CHTF8: variants seen among roughly 807,000 people sequenced by gnomAD.
CHTF8 encodes chromosome transmission fidelity protein 8 homolog.
CHTF8 carries 6 observed loss-of-function variants against 11.0 expected under a neutral mutation model. The ratio of observed to expected loss-of-function variants is 0.55; its 90% confidence interval spans 0.30 to 1.08. The LOEUF (loss-of-function observed/expected upper bound fraction) is 1.08. Among genes scored for constraint, CHTF8 ranks in the 50% least tolerant of loss-of-function variants. The pLI is 0.07. For synonymous variants in CHTF8, 53 were observed against 60.5 expected (o/e 0.88, Z 0.57); for missense variants, 140 against 153.1 (o/e 0.91, Z 0.45).
intron 1 of CHTF8, among the ~76,000 whole-genome samples, chr16:69,123,946 A>C (rs1441093642): frequency 6.6e-6 from 1 of 150,724 alleles, no homozygotes; most frequent in Non-Finnish European, 1.5e-5. Flanking sequence ...AAAAAAAAAA[A>C]ACAAAAAATT....
chr16:69,132,278 G>C (rs1451380272), intron 1 of CHTF8: 2 of 35,764 alleles, frequency 5.6e-5, no homozygotes, highest in African/African-American at 1.1e-4. Flanking sequence ...CCCCACCTCC[G>C]CGCCGCCCTC....
At chr16:69,130,201 C>A (rs1223342466) in intron 1 of CHTF8, among the ~76,000 whole-genome samples, 1 of 152,148 alleles carries the variant, frequency 6.6e-6, no homozygotes, top group Non-Finnish European at 1.5e-5. Flanking sequence ...TGATATGTAT[C>A]CAATTAAACC....
chr16:69,123,655 A>G (rs1961843953), intron 1 of CHTF8, among the ~76,000 whole-genome samples: 1 of 152,148 alleles, frequency 6.6e-6, no homozygotes, highest in Non-Finnish European at 1.5e-5. Flanking sequence ...CAAAAAATCA[A>G]TCAATCAATC....
chr16:69,131,215 C>A (rs1174717539), intron 1 of CHTF8: 1 of 152,130 alleles, frequency 6.6e-6, no homozygotes. Context: ...GAAGTGTGTT[C>A]AAAAACGTGT....
chr16:69,124,569 GC>G (rs1961923920), intron 1 of CHTF8, among the ~76,000 whole-genome samples: 1 of 150,992 alleles, frequency 6.6e-6, no homozygotes, highest in African/African-American at 2.4e-5. Flanking sequence ...GATTACAGGC[GC>G]CCGCCACCAC....
chr16:69,121,944 C>T (rs1352804711), intron 1 of CHTF8, among the ~76,000 whole-genome samples: 1 of 152,196 alleles, frequency 6.6e-6, no homozygotes, highest in African/African-American at 2.4e-5. Context: ...GCTGGGATTA[C>T]AGGTGTGAGC....
In CHTF8 at chr16:69,120,696, A is replaced by G. The variant is rs117142013; in HGVS notation, c.142-47T>C. The G allele has an allele frequency of 0.024, 36,972 of 1,535,460 alleles. 465 individuals are homozygous for G. Among genetic ancestry groups the G allele is most frequent in the Non-Finnish European group, 0.027 (29,976 of 1,118,870 alleles). Reference sequence around the variant, plus strand: ...ATTCCTGAGGTTCCGGGGCAAGGCCATAACACTCAGGCGCCTCCTAAAGCT... The same window carrying G: ...ATTCCTGAGGTTCCGGGGCAAGGCCGTAACACTCAGGCGCCTCCTAAAGCT... On this transcript the variant is annotated intron_variant, in intron 3 of 3. Coordinates refer to ENST00000448552, the MANE Select transcript of CHTF8 (RefSeq NM_001039690.5). This position sits in a 1 kb window ranked among gnomAD's most constrained non-coding sequence, Gnocchi z 4.0.
In CHTF8 at chr16:69,120,205, G is replaced by A. The variant is rs758617404; in HGVS notation, c.*220C>T. 1.0e-5 allele frequency: 7 copies of A among 702,838 alleles called. No homozygotes were observed. Among genetic ancestry groups the A allele is most frequent in the Non-Finnish European group, 1.8e-5 (7 of 385,786 alleles). The allele number at this position is 702,838 out of a possible 1,614,324, so 43.5% of individuals were successfully genotyped here. A position where few individuals can be genotyped will look rare whatever the true frequency, so the allele number is the denominator to read the frequency against. On this transcript the variant is annotated 3_prime_UTR_variant, in exon 4 of 4. Coordinates refer to ENST00000448552, the MANE Select transcript of CHTF8 (RefSeq NM_001039690.5). The surrounding 1 kb of genome is among the most constrained non-coding windows in gnomAD (Gnocchi z 4.0). ...TGGATTTGAAGCCAATGAGCCTGAT[G>A]AAGCTGGAAAAGGAGATGGGTTCCT...
rs201600961 is a variant in CHTF8 at position 69,121,167 on chromosome 16, C to T, written c.27G>A (p.Ala9=). The stretch of plus-strand genomic sequence containing the variant: ...CCCATTCTGCCAGGCCTCCAGCCCT[C>T]GCACTGCAAGCAAAGGGCTGGCGGT... MVQIVISS[A]RAGGLAEWVL... The change falls in exon 3 of 4, where the codon GCG becomes GCA. Residue 9 remains alanine, a synonymous_variant. Transcript: ENST00000448552. 3.4e-5 allele frequency: 54 copies of T among 1,611,836 alleles called. No individual in the cohort carries two copies. Among genetic ancestry groups the T allele is most frequent in the African/African-American group, 5.3e-5 (4 of 74,860 alleles).
At chr16:69,126,015 G>A (rs1409916335) in intron 1 of CHTF8, among the ~76,000 whole-genome samples, 3 of 152,144 alleles carry the variant, frequency 2.0e-5, no homozygotes, top group Non-Finnish European at 4.4e-5. Flanking sequence ...ACAATTTAAG[G>A]AATGGTACAT....
intron 1 of CHTF8, among the ~76,000 whole-genome samples, chr16:69,122,830 C>A (rs775682290): frequency 2.0e-5 from 3 of 152,094 alleles, no homozygotes; most frequent in Non-Finnish European, 2.9e-5. Context: ...GCGTGAACCA[C>A]CGCACCTGGC....
chr16:69,123,649 A>AAATCAATC (rs201428860), intron 1 of CHTF8, among the ~76,000 whole-genome samples: 2 of 152,134 alleles, frequency 1.3e-5, no homozygotes, highest in Non-Finnish European at 2.9e-5. Flanking sequence ...CTGTCTCAAA[A>AAATCAATC]AATCAATCAA....
intron 1 of CHTF8, among the ~76,000 whole-genome samples, chr16:69,125,659 C>A (rs557765729): frequency 1.1e-4 from 17 of 152,304 alleles, no homozygotes; most frequent in Admixed American, 2.6e-4. Context: ...AGGGGTAATA[C>A]CCAAGCTCAG....
In CHTF8 at chr16:69,121,104, G is replaced by A. The variant is rs763623091; in HGVS notation, c.90C>T (p.Tyr30=). Residue 30 remains tyrosine, a synonymous_variant, in exon 3 of 4, where the codon TAC becomes TAT. Coordinates refer to ENST00000448552, the MANE Select transcript of CHTF8 (RefSeq NM_001039690.5). ...MELQGEIEAR[Y]STGLAGNLLG... ...GGAGGTTTCCAGCTAATCCAGTGCT[G>A]TAGCGAGCCTCGATCTCCCCCTGTA... is the stretch of plus-strand genomic sequence containing the variant. The A allele has an allele frequency of 2.5e-5, 40 of 1,613,880 alleles. No homozygotes were observed. Among genetic ancestry groups the A allele is most frequent in the Non-Finnish European group, 3.3e-5 (39 of 1,180,042 alleles).
intron 3 of CHTF8, 32 bp downstream of exon 3, chr16:69,121,021 G>A (rs1210386105): frequency 5.7e-6 from 9 of 1,573,918 alleles, no homozygotes; most frequent in Non-Finnish European, 7.9e-6. Context: ...GCTTTCCTGA[G>A]GCATTAGGCA....
In CHTF8 at chr16:69,120,998, C is replaced by T. The variant is rs781490424; in HGVS notation, c.141+55G>A. On this transcript the variant is annotated intron_variant, in intron 3 of 3. Transcript: ENST00000448552. The surrounding 1 kb of genome is among the most constrained non-coding windows in gnomAD (Gnocchi z 4.0). ...TCACTCTGGGTCCTGGGAGCACCAC[C>T]TTGGTGTAGCTTGCTTTCCTGAGGC... is the stretch of plus-strand genomic sequence containing the variant. 1.4e-6 allele frequency: 2 copies of T among 1,471,408 alleles called. No individual in the cohort carries two copies. The highest frequency in any genetic ancestry group is 1.9e-6 in the Non-Finnish European group (2 of 1,049,698). The allele number at this position is 1,471,408 out of a possible 1,614,324, so 91.1% of individuals were successfully genotyped here.
chr16:69,129,858 C>T (rs1962368540), intron 1 of CHTF8, among the ~76,000 whole-genome samples: 1 of 152,340 alleles, frequency 6.6e-6, no homozygotes, highest in African/African-American at 2.4e-5. Context: ...AGTATTATAT[C>T]TGTGGGGTAG....
rs2152264707 is a variant in CHTF8, at chr16:69,119,181, G to A, written c.*1244C>T. 1.4e-6 allele frequency: 1 copy of A among 703,034 alleles called. No individual in the cohort carries two copies. Among genetic ancestry groups the A allele is most frequent in the South Asian group, 1.5e-5 (1 of 67,566 alleles). 43.5% of individuals were successfully genotyped at this position (703,034 alleles called of 1,614,324 possible). ...TTGGACTTGGACCCTGCAGGCCAGT[G>A]GCCCTTGGGAAGTTAGCTGGGTTGG... On this transcript the variant is annotated 3_prime_UTR_variant, in exon 4 of 4. Coordinates refer to ENST00000448552, the MANE Select transcript of CHTF8 (RefSeq NM_001039690.5).
Position 69,118,658 on chromosome 16 carries a change from G to A in CHTF8, c.*1767C>T. ...CTCAAGGGCAGGATTATTCCCACCT[G>A]CCACAGTTCACATGCCACAAATAAC... On this transcript the variant is annotated 3_prime_UTR_variant, in exon 4 of 4. Coordinates refer to ENST00000448552, the MANE Select transcript of CHTF8 (RefSeq NM_001039690.5). 1.4e-6 allele frequency: 1 copy of A among 692,300 alleles called. No individual in the cohort carries two copies. The highest frequency in any genetic ancestry group is 2.6e-6 in the Non-Finnish European group (1 of 379,176). The allele number at this position is 692,300 out of a possible 1,614,324, so 42.9% of individuals were successfully genotyped here.
Sources: gnomAD v4.1 joint callset for allele counts (sites outside exome capture counted in the v4.1 genomes callset) on GRCh38, gnomAD v4.1.1 for gene constraint, Gnocchi (gnomAD v3.1) non-coding constraint, MANE v1.5 for transcripts, NCBI Gene and HGNC (gene_info 2026-07-23, HGNC 2026-07-21) for gene names.